The following IGFBP2 variants were observed in gnomAD, a reference collection of about 807,000 sequenced individuals.
The protein encoded by IGFBP2 is insulin-like growth factor-binding protein 2.
A neutral mutation model predicts 26.2 loss-of-function variants in IGFBP2; 12 were observed. The observed-to-expected ratio is 0.46, with a 90% CI of 0.29 to 0.74. IGFBP2 has a LOEUF of 0.74. Ranked by LOEUF, IGFBP2 falls within the 30% of genes least tolerant of loss-of-function variation. The pLI, the probability that IGFBP2 is intolerant of heterozygous loss-of-function variation, is 0.09. For missense variants in IGFBP2, 328 were observed against 441.2 expected, an observed-to-expected ratio of 0.74 and a Z score of 2.30; for synonymous variants, 189 against 200.6, an observed-to-expected ratio of 0.94 and a Z score of 0.49.
At chr2:216,645,881 A>G (rs943969444) in intron 1 of IGFBP2, among the ~76,000 whole-genome samples, 2 of 152,188 alleles carry the variant, frequency 1.3e-5, no homozygotes, top group Admixed American at 6.5e-5. Context: ...TTAATGACCA[A>G]CCATGTCCCA....
Position 216,664,330 on chromosome 2 carries a change from G to C in IGFBP2, c.*226G>C, listed in dbSNP as rs9282733. ...CTTGCTTTCCCCGGGGGAGGAAGGGGGTTGTGGTCGGGGAGCTGGGGTACA... is the reference window on the plus strand; with the variant it reads ...CTTGCTTTCCCCGGGGGAGGAAGGGCGTTGTGGTCGGGGAGCTGGGGTACA... On this transcript the variant is annotated 3_prime_UTR_variant, in exon 4 of 4. Transcript: ENST00000233809. The surrounding 1 kb of genome is among the most constrained non-coding windows in gnomAD (Gnocchi z 4.6). The C allele has an allele frequency of 2.4e-6, 1 of 418,360 alleles. No individual in the cohort carries two copies. The highest frequency in any genetic ancestry group is 3.6e-5 in the East Asian group (1 of 27,778). The allele number at this position is 418,360 out of a possible 1,614,324, so 25.9% of individuals were successfully genotyped here. A position where few individuals can be genotyped will look rare whatever the true frequency, so the allele number is the denominator to read the frequency against.
At chr2:216,642,243 C>T (rs562167978) in intron 1 of IGFBP2, among the ~76,000 whole-genome samples, 61 of 151,764 alleles carry the variant, frequency 4.0e-4, no homozygotes, top group African/African-American at 1.5e-3. Context: ...CATGATCCGC[C>T]CACCTCGGCC....
chr2:216,637,121 A>T (rs148648761), intron 1 of IGFBP2, among the ~76,000 whole-genome samples: 1 of 152,284 alleles, frequency 6.6e-6, no homozygotes, highest in African/African-American at 2.4e-5. Flanking sequence ...TTGCATACTG[A>T]GTTCAAAGTC....
intron 1 of IGFBP2, among the ~76,000 whole-genome samples, chr2:216,651,028 C>G (rs931333359): frequency 1.3e-5 from 2 of 152,110 alleles, no homozygotes; most frequent in Non-Finnish European, 2.9e-5. Context: ...CCAGCCTATA[C>G]CGCGACAGAC....
intron 1 of IGFBP2, among the ~76,000 whole-genome samples, chr2:216,659,378 G>C (rs1044242773): frequency 6.6e-6 from 1 of 152,248 alleles, no homozygotes; most frequent in Non-Finnish European, 1.5e-5. Context: ...AAATGTGCAA[G>C]ATTGGTTGAA....
intron 1 of IGFBP2, among the ~76,000 whole-genome samples, chr2:216,640,107 C>T (rs1697582708): frequency 6.6e-6 from 1 of 152,134 alleles, no homozygotes; most frequent in Non-Finnish European, 1.5e-5. Flanking sequence ...CCATGCCTTT[C>T]CTACTCCGGC....
intron 1 of IGFBP2, among the ~76,000 whole-genome samples, chr2:216,647,244 C>T (rs1408194517): frequency 6.6e-6 from 1 of 152,044 alleles, no homozygotes; most frequent in Non-Finnish European, 1.5e-5. Flanking sequence ...AAAAAAAAAG[C>T]AGTGTCTTCC....
chr2:216,654,382 G>A (rs998803217), intron 1 of IGFBP2, among the ~76,000 whole-genome samples: 12 of 152,172 alleles, frequency 7.9e-5, no homozygotes, highest in African/African-American at 2.9e-4. Context: ...GCCCATAGGA[G>A]GTGCATACTG....
intron 3 of IGFBP2, chr2:216,663,653 C>T: frequency 3.1e-6 from 1 of 325,358 alleles, no homozygotes; most frequent in Non-Finnish European, 5.7e-6. Flanking sequence ...GTCTTTTCAT[C>T]TTCGGGTGTC....
chr2:216,659,931 G>A (rs1698000732), intron 1 of IGFBP2, among the ~76,000 whole-genome samples: 1 of 152,116 alleles, frequency 6.6e-6, no homozygotes, highest in South Asian at 2.1e-4. Flanking sequence ...GGTACACAGT[G>A]ACAGCAGGGG....
At chr2:216,638,115 G>C (rs1697536120) in intron 1 of IGFBP2, among the ~76,000 whole-genome samples, 1 of 152,038 alleles carries the variant, frequency 6.6e-6, no homozygotes, top group Non-Finnish European at 1.5e-5. Flanking sequence ...TTGAACCCGG[G>C]AGGTGGAGCT....
chr2:216,644,935 T>C (rs367844217), intron 1 of IGFBP2, among the ~76,000 whole-genome samples: 10 of 152,352 alleles, frequency 6.6e-5, no homozygotes, highest in African/African-American at 2.4e-4. Flanking sequence ...CAGTGAATTA[T>C]ATACTGCTTC....
intron 1 of IGFBP2, among the ~76,000 whole-genome samples, chr2:216,653,132 G>A (rs1484862852): frequency 6.6e-6 from 1 of 152,212 alleles, no homozygotes; most frequent in Admixed American, 6.5e-5. Flanking sequence ...AAGGACCGGG[G>A]CCACACACTC....
intron 1 of IGFBP2, among the ~76,000 whole-genome samples, chr2:216,635,232 G>A (rs1247080691): frequency 6.6e-6 from 1 of 152,032 alleles, no homozygotes; most frequent in Non-Finnish European, 1.5e-5. Flanking sequence ...ATTTTGCTCT[G>A]GAGTACAGAG....
intron 1 of IGFBP2, among the ~76,000 whole-genome samples, chr2:216,646,097 G>A (rs1266275028): frequency 6.6e-6 from 1 of 152,230 alleles, no homozygotes; most frequent in Non-Finnish European, 1.5e-5. Context: ...GACACTTCTT[G>A]TGCTGGTTTG....
chr2:216,662,130 C>A lies in IGFBP2; in HGVS notation c.813+132C>A, dbSNP rs1688666252. 6 of 1,063,982 alleles carry A rather than the reference C, an allele frequency of 5.6e-6. No homozygotes were observed. The South Asian group carries it at 7.7e-5, about 14-fold the overall frequency. 65.9% of individuals were successfully genotyped at this position (1,063,982 alleles called of 1,614,324 possible). On this transcript the variant is annotated intron_variant, in intron 3 of 3. Coordinates refer to ENST00000233809, the MANE Select transcript of IGFBP2 (RefSeq NM_000597.3). Reference sequence around the variant, plus strand: ...AGTGAGAGACTCAGACTCCTGTCACCATGGGGATTGGGATGCCAGCTGCCA... The same window carrying A: ...AGTGAGAGACTCAGACTCCTGTCACAATGGGGATTGGGATGCCAGCTGCCA...
chr2:216,639,173 C>G (rs1697564157), intron 1 of IGFBP2, among the ~76,000 whole-genome samples: 1 of 151,976 alleles, frequency 6.6e-6, no homozygotes, highest in African/African-American at 2.4e-5. Context: ...GTTGGGAATT[C>G]ACGCATGCAC....
At chr2:216,657,981 C>T (rs948905923) in intron 1 of IGFBP2, among the ~76,000 whole-genome samples, 6 of 151,906 alleles carry the variant, frequency 3.9e-5, no homozygotes, top group African/African-American at 1.5e-4. Context: ...TTTTAATTCC[C>T]TCCCCTTTTT....
chr2:216,659,709 G>A (rs199604535), intron 1 of IGFBP2: 130 of 1,535,062 alleles, frequency 8.5e-5, no homozygotes, highest in Middle Eastern at 3.3e-4. Context: ...CTTAATGGAC[G>A]CTTGTTGGAC....
Sources: allele counts gnomAD v4.1 joint callset (sites outside exome capture counted in the v4.1 genomes callset), GRCh38; gene constraint gnomAD v4.1.1; non-coding constraint Gnocchi (gnomAD v3.1); transcripts MANE v1.5; gene names NCBI Gene and HGNC (gene_info 2026-07-23, HGNC 2026-07-21).